The following MKLN1 variants were observed in gnomAD, a reference collection of about 807,000 sequenced individuals.
MKLN1 encodes muskelin 1, also known as muskelin.
MKLN1 carries 18 observed loss-of-function variants against 99.0 expected under a neutral mutation model. The ratio of observed to expected loss-of-function variants is 0.18; its 90% CI spans 0.13 to 0.27. MKLN1 has a LOEUF of 0.27. MKLN1 is among the 10% of genes least tolerant of loss of function. MKLN1 has a pLI of 1.00. For missense variants in MKLN1, 621 were observed against 875.9 expected (o/e 0.71, Z 3.67); for synonymous variants, 288 against 293.2 (o/e 0.98, Z 0.18).
At chr7:131,443,806 A>G (rs1316543752) in intron 11 of MKLN1, 104 bp downstream of exon 11, 5 of 883,990 alleles carry the variant, frequency 5.7e-6, no homozygotes, top group East Asian at 2.6e-5. Flanking sequence ...TAGTGTAGCA[A>G]TGACAGAGAA....
At chr7:131,245,392 C>G (rs369916750) in intron 3 of MKLN1, among the ~76,000 whole-genome samples, 1 of 151,794 alleles carries the variant, frequency 6.6e-6, no homozygotes, top group Non-Finnish European at 1.5e-5. Context: ...CTCAGCCTCC[C>G]GAGTAGCTGG....
At chr7:131,461,856 A>G (rs954585312) in intron 12 of MKLN1, among the ~76,000 whole-genome samples, 3 of 152,194 alleles carry the variant, frequency 2.0e-5, no homozygotes, top group African/African-American at 7.2e-5. Context: ...AACATTTTCA[A>G]ATAAGAATAA....
At chr7:131,457,983 T>C (rs1209003176) in intron 12 of MKLN1, among the ~76,000 whole-genome samples, 1 of 152,124 alleles carries the variant, frequency 6.6e-6, no homozygotes, top group Non-Finnish European at 1.5e-5. Flanking sequence ...TCAAAAATGG[T>C]GAAAGACTTC....
chr7:131,268,647 C>A (rs1034878676), intron 3 of MKLN1, among the ~76,000 whole-genome samples: 3 of 152,110 alleles, frequency 2.0e-5, no homozygotes, highest in Admixed American at 2.0e-4. Flanking sequence ...TGGGCCAGAT[C>A]TGGAACTGGC....
chr7:131,464,449 C>G (rs1338329162), intron 14 of MKLN1, 41 bp downstream of exon 14: 2 of 1,136,370 alleles, frequency 1.8e-6, no homozygotes, highest in Admixed American at 1.8e-5. Context: ...CCATGGCCTA[C>G]TATCTGAAAC....
chr7:131,268,534 C>T (rs1797840965), intron 3 of MKLN1, among the ~76,000 whole-genome samples: 1 of 152,156 alleles, frequency 6.6e-6, no homozygotes, highest in Admixed American at 6.5e-5. Context: ...AGCATATAAC[C>T]TTCTTCCATC....
intron 2 of MKLN1, among the ~76,000 whole-genome samples, chr7:131,153,025 A>C (rs1231049272): frequency 4.9e-5 from 7 of 141,850 alleles, no homozygotes; most frequent in African/African-American, 1.8e-4. Flanking sequence ...ATTCATATAT[A>C]TATATATATT....
chr7:131,334,429 A>T (rs530550843), intron 1 of MKLN1, among the ~76,000 whole-genome samples: 46 of 152,342 alleles, frequency 3.0e-4, no homozygotes, highest in African/African-American at 1.1e-3. Flanking sequence ...AACACTCAAG[A>T]TGGAAGAAAT....
At chr7:131,416,979 CAA>C (rs374145180) in intron 8 of MKLN1, among the ~76,000 whole-genome samples, 9 of 49,578 alleles carry the variant, frequency 1.8e-4, no homozygotes, top group Admixed American at 4.5e-4. Context: ...GCAACCCTGT[CAA>C]AAAAAAAAAA....
intron 3 of MKLN1, among the ~76,000 whole-genome samples, chr7:131,217,720 A>T (rs1797004588): frequency 6.6e-6 from 1 of 152,152 alleles, no homozygotes; most frequent in South Asian, 2.1e-4. Flanking sequence ...AAAACAAAAT[A>T]TGATGGGATA....
intron 3 of MKLN1, among the ~76,000 whole-genome samples, chr7:131,260,764 T>C (rs1216720852): frequency 6.6e-6 from 1 of 152,044 alleles, no homozygotes; most frequent in East Asian, 1.9e-4. Flanking sequence ...AGGGCTACAA[T>C]AACCAAAACA....
chr7:131,188,245 G>A (rs1384574196), intron 2 of MKLN1, among the ~76,000 whole-genome samples: 2 of 152,164 alleles, frequency 1.3e-5, no homozygotes, highest in South Asian at 2.1e-4. Context: ...GGGGGCGTTG[G>A]GGGGAAGAAG....
At chr7:131,426,298 T>C (rs1795354731) in intron 8 of MKLN1, among the ~76,000 whole-genome samples, 1 of 152,138 alleles carries the variant, frequency 6.6e-6, no homozygotes, top group South Asian at 2.1e-4. Flanking sequence ...ATCCAGAGGG[T>C]GCCCAGAAAC....
At chr7:131,248,077 ATTTAT>A (rs1479717602) in intron 3 of MKLN1, among the ~76,000 whole-genome samples, 1 of 95,838 alleles carries the variant, frequency 1.0e-5, no homozygotes, top group African/African-American at 4.6e-5. Context: ...TACATTTATT[ATTTAT>A]TTATTTATTT....
At chr7:131,345,841 A>G (rs1180632634) in intron 1 of MKLN1, among the ~76,000 whole-genome samples, 1 of 152,236 alleles carries the variant, frequency 6.6e-6, no homozygotes, top group Non-Finnish European at 1.5e-5. Flanking sequence ...ATCGTATCTA[A>G]TACCTTTACT....
intron 5 of MKLN1, among the ~76,000 whole-genome samples, chr7:131,397,863 G>T (rs766086570): frequency 6.6e-6 from 1 of 152,094 alleles, no homozygotes; most frequent in Non-Finnish European, 1.5e-5. Flanking sequence ...AGTCAACAGG[G>T]TTAAAAAATA....
chr7:131,441,660 T>C (rs996730212), intron 10 of MKLN1, among the ~76,000 whole-genome samples: 5 of 152,192 alleles, frequency 3.3e-5, no homozygotes, highest in Admixed American at 3.3e-4. Context: ...TAAACTGGTA[T>C]GCTAGGAAGA....
intron 3 of MKLN1, among the ~76,000 whole-genome samples, chr7:131,227,534 T>TTTCTTTCTTTCTTTCTTTCTTTCTTTCC (rs2116467178): frequency 4.7e-5 from 7 of 149,216 alleles, no homozygotes; most frequent in African/African-American, 7.4e-5. Context: ...TCTTTCTTTC[T>TTTCTTTCTTTCTTTCTTTCTTTCTTTCC]TTCTCTCTTT....
chr7:131,142,368 G>A (rs1299515874), intron 1 of MKLN1, among the ~76,000 whole-genome samples: 1 of 149,480 alleles, frequency 6.7e-6, no homozygotes, highest in African/African-American at 2.5e-5. Flanking sequence ...CCAAGATCGC[G>A]CCACTGTACT....
Sources: allele counts gnomAD v4.1 joint callset (sites outside exome capture counted in the v4.1 genomes callset), GRCh38; gene constraint gnomAD v4.1.1; transcripts MANE v1.5; gene names NCBI Gene and HGNC (gene_info 2026-07-23, HGNC 2026-07-21).